The following CCDC60 variants were observed in gnomAD, a reference collection of about 807,000 sequenced individuals.
The protein encoded by CCDC60 is coiled-coil domain-containing protein 60.
CCDC60 carries 54 observed loss-of-function variants against 63.5 expected under a neutral mutation model. The ratio of observed to expected loss-of-function variants is 0.85; its 90% CI spans 0.68 to 1.07. The LOEUF (loss-of-function observed/expected upper bound fraction) is 1.07. Among genes scored for constraint, CCDC60 ranks in the 50% least tolerant of loss-of-function variants. The pLI, the probability that CCDC60 is intolerant of heterozygous loss-of-function variation, is 0.00. For synonymous variants in CCDC60, 206 were observed against 238.8 expected, an observed-to-expected ratio of 0.86 and a Z score of 1.27; for missense variants, 651 against 684.3, an observed-to-expected ratio of 0.95 and a Z score of 0.54.
intron 1 of CCDC60, among the ~76,000 whole-genome samples, chr12:119,381,233 T>C (rs1034466881): frequency 2.0e-5 from 3 of 152,234 alleles, no homozygotes; most frequent in Non-Finnish European, 2.9e-5. Context: ...TATTCTCTTA[T>C]TGGGCCAAAA....
chr12:119,458,824 G>A (rs1593118301), intron 2 of CCDC60, among the ~76,000 whole-genome samples: 1 of 152,240 alleles, frequency 6.6e-6, no homozygotes, highest in Non-Finnish European at 1.5e-5. Context: ...TCGGCTCACA[G>A]TAACCTCCAC....
Position 119,540,714 on chromosome 12 carries a change from A to T in CCDC60, c.1652A>T (p.Ter551LeuextTer29), listed in dbSNP as rs1362689547. 1 of 1,609,820 alleles carries T rather than the reference A, an allele frequency of 6.2e-7. No individual in the cohort carries two copies. Among genetic ancestry groups the T allele is most frequent in the African/African-American group, 1.3e-5 (1 of 74,850 alleles). ...ATTGGGCCCTACAGCGCCCTGAGGT[A>T]GGCTGGGCCTGGGTTGACCAGCTGT... ...IPIGPYSALR[*>L] is the part of the protein sequence containing the mutation. Residue 551 changes from the stop codon to leucine (L), a stop_lost, in exon 14 of 14, where the codon TAG (stop) becomes TTG (leucine). Coordinates refer to ENST00000327554, the MANE Select transcript of CCDC60 (RefSeq NM_178499.5).
chr12:119,507,614 A>ATTTT lies in CCDC60; in HGVS notation c.883+2324_883+2327dup, dbSNP rs1184630442. Among the ~76,000 whole-genome samples, 150 of 50,468 alleles carry ATTTT rather than the reference A, an allele frequency of 3.0e-3. 7 individuals carry two copies. The highest frequency in any genetic ancestry group is 3.9e-3 in the Non-Finnish European group (116 of 30,124). The allele number at this position is 50,468 out of a possible 152,430, so 33.1% of individuals were successfully genotyped here. ...TACATATATATATATATATATATAT[A>ATTTT]TTTTTTTTTTTTTTTTCTAGAAACA... On this transcript the variant is annotated intron_variant, in intron 7 of 13. Coordinates refer to ENST00000327554, the MANE Select transcript of CCDC60 (RefSeq NM_178499.5).
At chr12:119,515,826 A>G (rs1260707146) in intron 7 of CCDC60, among the ~76,000 whole-genome samples, 2 of 152,176 alleles carry the variant, frequency 1.3e-5, no homozygotes, top group Admixed American at 1.3e-4. Flanking sequence ...TTCCAGTGTT[A>G]AAAGATTGGC....
At chr12:119,512,876 A>T (rs900822195) in intron 7 of CCDC60, among the ~76,000 whole-genome samples, 5 of 152,104 alleles carry the variant, frequency 3.3e-5, no homozygotes, top group African/African-American at 7.2e-5. Flanking sequence ...AGTTCCTGGG[A>T]TTATTTAAAA....
At chr12:119,479,290 G>A in intron 4 of CCDC60, 89 bp downstream of exon 4, 1 of 871,430 alleles carries the variant, frequency 1.1e-6, no homozygotes. Context: ...CATGTCAGTA[G>A]CTGTTCCTTT....
At chr12:119,533,070 C>G (rs960480455) in intron 13 of CCDC60, among the ~76,000 whole-genome samples, 8 of 152,182 alleles carry the variant, frequency 5.3e-5, no homozygotes, top group African/African-American at 1.7e-4. Context: ...CACATCCTCT[C>G]CAGCATTTAT....
At chr12:119,487,531 T>A (rs1314295553) in intron 4 of CCDC60, among the ~76,000 whole-genome samples, 1 of 152,022 alleles carries the variant, frequency 6.6e-6, no homozygotes, top group African/African-American at 2.4e-5. Context: ...ACTCCTGACC[T>A]AGTAATCCGC....
intron 5 of CCDC60, among the ~76,000 whole-genome samples, chr12:119,491,563 C>T (rs534285903): frequency 2.6e-5 from 4 of 152,198 alleles, no homozygotes; most frequent in African/African-American, 7.2e-5. Flanking sequence ...CTCCTGACCT[C>T]GTGATCTGCC....
Position 119,412,531 on chromosome 12 carries a change from T to A in CCDC60, c.91-16152T>A, listed in dbSNP as rs897922029. Among the ~76,000 whole-genome samples the A allele has an allele frequency of 3.3e-5, 5 of 152,150 alleles. 1 individual carries two copies. The highest frequency in any genetic ancestry group is 2.6e-4 in the Admixed American group (4 of 15,272). On this transcript the variant is annotated intron_variant, in intron 1 of 13. Transcript: ENST00000327554. ...TGAATTGCCAAATAAATTTTTTCAT[T>A]TCCAAGAAAGGAAGTAAACTGTGGT...
intron 1 of CCDC60, among the ~76,000 whole-genome samples, chr12:119,385,969 T>C (rs1429062538): frequency 6.6e-6 from 1 of 152,216 alleles, no homozygotes; most frequent in East Asian, 1.9e-4. Flanking sequence ...GCACCATCTC[T>C]TTCCTACTCA....
intron 1 of CCDC60, among the ~76,000 whole-genome samples, chr12:119,421,313 G>A (rs1956808785): frequency 6.6e-6 from 1 of 152,192 alleles, no homozygotes; most frequent in African/African-American, 2.4e-5. Context: ...ACAAAATTCA[G>A]TGGAAGAGTT....
At chr12:119,343,896 C>T (rs1955559131) in intron 1 of CCDC60, among the ~76,000 whole-genome samples, 1 of 151,986 alleles carries the variant, frequency 6.6e-6, no homozygotes, top group African/African-American at 2.4e-5. Context: ...GGTATCCTGT[C>T]TGAAAAAATG....
At chr12:119,399,537 G>T (rs1956349362) in intron 1 of CCDC60, among the ~76,000 whole-genome samples, 3 of 152,172 alleles carry the variant, frequency 2.0e-5, no homozygotes. Flanking sequence ...CGTGTCGGGT[G>T]CAGACCTCAT....
rs114687404 is a variant in CCDC60, at chr12:119,393,340, A to G, written c.91-35343A>G. On this transcript the variant is annotated intron_variant, in intron 1 of 13. Coordinates refer to ENST00000327554, the MANE Select transcript of CCDC60 (RefSeq NM_178499.5). ...TTTTCCTTGGAAAGGGAGGAGGGGG[A>G]AAATGCATTTCACAATAGCATCCAA... Among the ~76,000 whole-genome samples, 173 of 152,296 alleles carry G rather than the reference A, an allele frequency of 1.1e-3. 1 individual carries two copies. The highest frequency in any genetic ancestry group is 3.7e-3 in the African/African-American group (155 of 41,556).
chr12:119,368,960 T>C lies in CCDC60; in HGVS notation c.90+33694T>C, dbSNP rs566647978. Among the ~76,000 whole-genome samples the C allele has an allele frequency of 1.1e-4, 16 of 152,230 alleles. No homozygotes were observed. In the East Asian group the frequency reaches 2.3e-3, roughly 22 times the overall value. ...TTTCTGAACTAACGTCTAGAGAGGA[T>C]GAAGAAAGAGGAATGGGTGGGGACA... On this transcript the variant is annotated intron_variant, in intron 1 of 13. Coordinates refer to ENST00000327554, the MANE Select transcript of CCDC60 (RefSeq NM_178499.5).
intron 1 of CCDC60, among the ~76,000 whole-genome samples, chr12:119,336,224 C>T (rs918444615): frequency 6.6e-6 from 1 of 151,300 alleles, no homozygotes; most frequent in African/African-American, 2.4e-5. Flanking sequence ...TGCACATGTA[C>T]CCTAAAACTT....
rs536419841 is a variant in CCDC60, at chr12:119,429,078, G to A, written c.170+316G>A. ...CTTCCCTTTTTTACTCCAGACACAC[G>A]TGATGATACCGTGGAGTCAGAGTCG... On this transcript the variant is annotated intron_variant, in intron 2 of 13. Coordinates refer to ENST00000327554, the MANE Select transcript of CCDC60 (RefSeq NM_178499.5). Among the ~76,000 whole-genome samples, 5 of 152,134 alleles carry A rather than the reference G, an allele frequency of 3.3e-5. No homozygotes were observed. In the South Asian group the frequency reaches 8.3e-4, roughly 25 times the overall value.
intron 5 of CCDC60, among the ~76,000 whole-genome samples, chr12:119,489,745 T>G (rs1195827519): frequency 6.6e-6 from 1 of 151,892 alleles, no homozygotes; most frequent in African/African-American, 2.4e-5. Context: ...TGCTAACCCA[T>G]GCCCTCCCAT....
Sources: gnomAD v4.1 joint callset for allele counts (sites outside exome capture counted in the v4.1 genomes callset) on GRCh38, gnomAD v4.1.1 for gene constraint, MANE v1.5 for transcripts, NCBI Gene and HGNC (gene_info 2026-07-23, HGNC 2026-07-21) for gene names.